Variants in SETBP1 observed in about 807,000 individuals in gnomAD.
The protein encoded by SETBP1 is SET binding protein 1.
In SETBP1, 9 loss-of-function variants were observed where a neutral mutation model predicts 101.0. The observed-to-expected ratio is 0.09, with a 90% confidence interval of 0.05 to 0.16. SETBP1 has a LOEUF of 0.16. Among genes scored for constraint, SETBP1 ranks in the 10% least tolerant of loss-of-function variants. The pLI is 1.00. For missense variants in SETBP1, 1,858 were observed against 2,033.8 expected (o/e 0.91, Z 1.66); for synonymous variants, 818 against 788.5 (o/e 1.04, Z -0.63).
At chr18:44,957,348 A>T (rs1259951267) in intron 4 of SETBP1, among the ~76,000 whole-genome samples, 1 of 151,418 alleles carries the variant, frequency 6.6e-6, no homozygotes, top group Non-Finnish European at 1.5e-5. Context: ...CTGAGACCTC[A>T]TGACAACTGC....
intron 3 of SETBP1, among the ~76,000 whole-genome samples, chr18:44,888,136 G>A (rs1041859303): frequency 6.6e-6 from 1 of 152,038 alleles, no homozygotes; most frequent in Non-Finnish European, 1.5e-5. Flanking sequence ...CCTGGTCTCT[G>A]CCAGGAGGGG....
chr18:44,959,544 A>G (rs1223451063), intron 4 of SETBP1, among the ~76,000 whole-genome samples: 2 of 152,200 alleles, frequency 1.3e-5, no homozygotes, highest in African/African-American at 4.8e-5. Context: ...TTTTGCCTTC[A>G]AAGAGACTAC....
intron 3 of SETBP1, among the ~76,000 whole-genome samples, chr18:44,896,003 G>A (rs752242822): frequency 1.3e-5 from 2 of 152,124 alleles, no homozygotes; most frequent in East Asian, 3.9e-4. Flanking sequence ...CCTGATAGGA[G>A]CATGATCACT....
chr18:44,946,199 T>G (rs1177884399), intron 3 of SETBP1, among the ~76,000 whole-genome samples: 1 of 152,160 alleles, frequency 6.6e-6, no homozygotes, highest in Non-Finnish European at 1.5e-5. Flanking sequence ...CCTGATCCTT[T>G]GTTGTGCTTC....
At chr18:44,978,787 G>A (rs942574557) in intron 4 of SETBP1, among the ~76,000 whole-genome samples, 3 of 152,118 alleles carry the variant, frequency 2.0e-5, no homozygotes, top group Non-Finnish European at 4.4e-5. Flanking sequence ...TGCCCATGAT[G>A]GCCTGCAGTG....
chr18:44,857,098 G>T (rs546128484), intron 2 of SETBP1, among the ~76,000 whole-genome samples: 1 of 152,188 alleles, frequency 6.6e-6, no homozygotes, highest in Admixed American at 6.5e-5. Context: ...TATAATTGAC[G>T]AATACTGGGT....
At chr18:45,028,825 G>A (rs888612720) in intron 4 of SETBP1, among the ~76,000 whole-genome samples, 1 of 152,162 alleles carries the variant, frequency 6.6e-6, no homozygotes, top group Non-Finnish European at 1.5e-5. Flanking sequence ...AGAAGTGTCT[G>A]TTCATGTCCT....
intron 2 of SETBP1, among the ~76,000 whole-genome samples, chr18:44,847,639 G>C (rs565467681): frequency 1.3e-5 from 2 of 152,200 alleles, no homozygotes; most frequent in African/African-American, 2.4e-5. Context: ...CACTGTGGGG[G>C]TAGGGCACTG....
At chr18:44,791,679 G>A (rs2071374246) in intron 2 of SETBP1, among the ~76,000 whole-genome samples, 1 of 152,114 alleles carries the variant, frequency 6.6e-6, no homozygotes, top group African/African-American at 2.4e-5. Flanking sequence ...GCTTCTCCCT[G>A]TCTAAGGTTG....
Position 44,869,263 on chromosome 18 carries a change from C to G in SETBP1, c.520C>G (p.Leu174Val). 1 of 1,614,060 alleles carries G rather than the reference C, an allele frequency of 6.2e-7. No individual in the cohort carries two copies. Among genetic ancestry groups the G allele is most frequent in the South Asian group, 1.1e-5 (1 of 91,084 alleles). Residue 174 changes from leucine (L) to valine (V), a missense_variant, in exon 3 of 6, where the codon CTC (leucine) becomes GTC (valine). Physicochemically the swap from Leu to Val is conservative, Grantham distance 32. This residue lies in a region of SETBP1 where 581 missense variants were observed against 535.1 expected (regional missense o/e 1.09). Coordinates refer to ENST00000649279, the MANE Select transcript of SETBP1 (RefSeq NM_015559.3). ...LTASDLAASDLKGFQPQAYER... is the reference protein window; with the variant it reads ...LTASDLAASDVKGFQPQAYER... ...AGCCAGTGACCTTGCAGCCAGTGAC[C>G]TCAAAGGATTTCAGCCACAGGTAAG...
intron 5 of SETBP1, 93 bp downstream of exon 5, chr18:45,038,748 T>C: frequency 7.2e-7 from 1 of 1,388,976 alleles, no homozygotes; most frequent in Non-Finnish European, 1.0e-6. Flanking sequence ...AGGTAAGAGT[T>C]CTCTGTTTTG....
chr18:44,777,496 C>T (rs932806004), intron 2 of SETBP1, among the ~76,000 whole-genome samples: 5 of 152,222 alleles, frequency 3.3e-5, no homozygotes, highest in East Asian at 3.9e-4. Flanking sequence ...GTTCCTGGCC[C>T]GGCACCATTC....
chr18:44,696,054 T>C (rs1320669021), intron 1 of SETBP1, among the ~76,000 whole-genome samples: 3 of 152,162 alleles, frequency 2.0e-5, no homozygotes, highest in Non-Finnish European at 4.4e-5. Context: ...GCATGGCACC[T>C]GGGCAAAGCA....
At chr18:44,847,791 C>G (rs1026066911) in intron 2 of SETBP1, among the ~76,000 whole-genome samples, 2 of 151,990 alleles carry the variant, frequency 1.3e-5, no homozygotes, top group Non-Finnish European at 2.9e-5. Flanking sequence ...AAAGATAAGC[C>G]GGGTCCAGAA....
At chr18:44,888,281 C>T (rs1475092365) in intron 3 of SETBP1, among the ~76,000 whole-genome samples, 2 of 152,046 alleles carry the variant, frequency 1.3e-5, no homozygotes, top group African/African-American at 4.8e-5. Flanking sequence ...TTAGTTAGTT[C>T]CTCCTGCCTG....
chr18:45,000,809 C>CACAT (rs923754924), intron 4 of SETBP1, among the ~76,000 whole-genome samples: 1 of 151,580 alleles, frequency 6.6e-6, no homozygotes, highest in African/African-American at 2.4e-5. Flanking sequence ...CACACACACA[C>CACAT]ACACACACAC....
chr18:44,972,443 T>C (rs935415322), intron 4 of SETBP1, among the ~76,000 whole-genome samples: 1 of 152,234 alleles, frequency 6.6e-6, no homozygotes, highest in Non-Finnish European at 1.5e-5. Context: ...GAGGATGGCA[T>C]TGAATCTAGA....
At chr18:44,833,177 T>A (rs1346227273) in intron 2 of SETBP1, among the ~76,000 whole-genome samples, 1 of 152,210 alleles carries the variant, frequency 6.6e-6, no homozygotes, top group Non-Finnish European at 1.5e-5. Flanking sequence ...AAGTACAAAA[T>A]CTCAGGCCTC....
chr18:44,795,989 G>T (rs570470969), intron 2 of SETBP1, among the ~76,000 whole-genome samples: 1 of 152,272 alleles, frequency 6.6e-6, no homozygotes, highest in African/African-American at 2.4e-5. Flanking sequence ...CTTTTCCACT[G>T]TTAATAAACA....
Sources: gnomAD v4.1 joint callset for allele counts (sites outside exome capture counted in the v4.1 genomes callset) on GRCh38, gnomAD v4.1.1 for gene constraint, gnomAD v4.1.1 regional missense constraint, MANE v1.5 for transcripts, NCBI Gene and HGNC (gene_info 2026-07-23, HGNC 2026-07-21) for gene names.